Variants in MAGI2 observed in about 807,000 individuals in gnomAD.
MAGI2 encodes the protein membrane-associated guanylate kinase, WW and PDZ domain-containing protein 2.
Under a neutral mutation model 133.3 loss-of-function variants are expected in MAGI2, and 35 were observed. The ratio of observed to expected loss-of-function variants is 0.26; its 90% CI spans 0.20 to 0.35. MAGI2 has a LOEUF of 0.35. MAGI2 is among the 10% of genes least tolerant of loss of function. The pLI, the probability that MAGI2 is intolerant of heterozygous loss-of-function variation, is 1.00. For missense variants in MAGI2, 1,636 were observed against 1,863.4 expected (o/e 0.88, Z 2.25); for synonymous variants, 729 against 710.6 (o/e 1.03, Z -0.41).
At chr7:79,283,576 A>G (rs1835798050) in intron 1 of MAGI2, among the ~76,000 whole-genome samples, 1 of 152,078 alleles carries the variant, frequency 6.6e-6, no homozygotes, top group South Asian at 2.1e-4. Context: ...AATTCCTTCT[A>G]CTAGTAATTA....
intron 6 of MAGI2, among the ~76,000 whole-genome samples, chr7:78,453,913 T>C (rs941608728): frequency 7.9e-5 from 12 of 152,198 alleles, no homozygotes; most frequent in African/African-American, 2.7e-4. Flanking sequence ...TTTATTGGTA[T>C]ATAATAGTGG....
At chr7:79,205,801 T>C (rs1374766233) in intron 1 of MAGI2, among the ~76,000 whole-genome samples, 1 of 151,462 alleles carries the variant, frequency 6.6e-6, no homozygotes. Flanking sequence ...GTTGTAATCA[T>C]CTTAAAATAA....
At chr7:78,714,949 A>G (rs1437292840) in intron 2 of MAGI2, among the ~76,000 whole-genome samples, 2 of 152,244 alleles carry the variant, frequency 1.3e-5, no homozygotes, top group South Asian at 2.1e-4. Flanking sequence ...CTCCATGACT[A>G]AAGCGCTAGA....
chr7:78,453,522 T>C (rs998459384), intron 6 of MAGI2, among the ~76,000 whole-genome samples: 1 of 152,166 alleles, frequency 6.6e-6, no homozygotes, highest in South Asian at 2.1e-4. Context: ...TTAGGCCTCT[T>C]CTCTTTTGCT....
intron 2 of MAGI2, among the ~76,000 whole-genome samples, chr7:79,005,627 A>G (rs1330460355): frequency 6.6e-6 from 1 of 152,174 alleles, no homozygotes; most frequent in Non-Finnish European, 1.5e-5. Context: ...CAGCTTTTAA[A>G]CATAATAAAC....
intron 1 of MAGI2, among the ~76,000 whole-genome samples, chr7:79,292,770 CAAAAAAAAAAA>C (rs199933554): frequency 7.1e-4 from 41 of 57,408 alleles, no homozygotes; most frequent in South Asian, 1.5e-3. Context: ...TCAATTTCTG[CAAAAAAAAAAA>C]AAAAAAAAAA....
At chr7:79,227,691 A>G (rs2058393) in intron 1 of MAGI2, among the ~76,000 whole-genome samples, 92,278 of 151,984 alleles carry the variant, frequency 0.61, 29,292 homozygotes, top group Non-Finnish European at 0.7. Flanking sequence ...CTGAACTACA[A>G]CTCTCAACTT....
At chr7:78,074,483 TC>T (rs1815060233) in intron 21 of MAGI2, among the ~76,000 whole-genome samples, 1 of 152,112 alleles carries the variant, frequency 6.6e-6, no homozygotes, top group African/African-American at 2.4e-5. Context: ...TTGAAATCCT[TC>T]CACAGGGAGT....
At chr7:79,406,167 T>C (rs9969364) in intron 1 of MAGI2, among the ~76,000 whole-genome samples, 82,917 of 151,800 alleles carry the variant, frequency 0.55, 25,168 homozygotes, top group African/African-American at 0.81. Context: ...TTTTGGCAAT[T>C]GAAATCCCTA....
Position 78,311,678 on chromosome 7 carries a change from T to C in MAGI2, c.1408+32100A>G, listed in dbSNP as rs114531878. Among the ~76,000 whole-genome samples, 422 of 152,346 alleles carry C rather than the reference T, an allele frequency of 2.8e-3. 2 individuals carry two copies. The highest frequency in any genetic ancestry group is 9.6e-3 in the African/African-American group (401 of 41,582). Reference sequence around the variant, plus strand: ...TAACTCTAGATCAATAGAGATAAAATATCTTTGTAAGTGCTCACATACTGA... The same window carrying C: ...TAACTCTAGATCAATAGAGATAAAACATCTTTGTAAGTGCTCACATACTGA... On this transcript the variant is annotated intron_variant, in intron 9 of 21. Coordinates refer to ENST00000354212, the MANE Select transcript of MAGI2 (RefSeq NM_012301.4).
intron 1 of MAGI2, among the ~76,000 whole-genome samples, chr7:79,396,284 C>A (rs1005826688): frequency 2.6e-5 from 4 of 152,040 alleles, no homozygotes; most frequent in Admixed American, 2.6e-4. Flanking sequence ...TCTCTTTTTC[C>A]TTTCACCTGG....
intron 3 of MAGI2, among the ~76,000 whole-genome samples, chr7:78,591,805 T>G (rs1027593672): frequency 6.6e-6 from 1 of 152,126 alleles, no homozygotes; most frequent in African/African-American, 2.4e-5. Flanking sequence ...AACCTTCTTT[T>G]CACAAAAACC....
chr7:78,778,805 C>T (rs992479286), intron 2 of MAGI2, among the ~76,000 whole-genome samples: 4 of 151,954 alleles, frequency 2.6e-5, no homozygotes, highest in African/African-American at 9.7e-5. Context: ...AATATCTAAT[C>T]TCTCAGGTAT....
chr7:78,484,276 T>A (rs966147856), intron 6 of MAGI2: 1 of 152,014 alleles, frequency 6.6e-6, no homozygotes, highest in Non-Finnish European at 1.5e-5. Context: ...ATATGTATTG[T>A]AAAGCATGGC....
intron 1 of MAGI2, among the ~76,000 whole-genome samples, chr7:79,102,661 T>A (rs920510463): frequency 6.6e-6 from 1 of 152,190 alleles, no homozygotes; most frequent in Non-Finnish European, 1.5e-5. Context: ...TCTAGTGACA[T>A]TTTAAAAACC....
chr7:79,320,745 G>A (rs1839122412), intron 1 of MAGI2, among the ~76,000 whole-genome samples: 1 of 151,922 alleles, frequency 6.6e-6, no homozygotes, highest in African/African-American at 2.4e-5. Context: ...AAATGTTGCA[G>A]GCCAAATATC....
chr7:78,154,211 C>T (rs534618567), intron 16 of MAGI2, among the ~76,000 whole-genome samples: 71 of 152,340 alleles, frequency 4.7e-4, no homozygotes, highest in African/African-American at 1.2e-3. Flanking sequence ...TCAAGGACTT[C>T]GAGAAACTCA....
chr7:79,109,871 C>T (rs552260998), intron 1 of MAGI2, among the ~76,000 whole-genome samples: 2 of 151,234 alleles, frequency 1.3e-5, no homozygotes, highest in Admixed American at 6.6e-5. Flanking sequence ...CACTCTTGCA[C>T]TCTGTGTGCC....
At chr7:78,267,239 T>A (rs1794109563) in intron 9 of MAGI2, among the ~76,000 whole-genome samples, 2 of 152,298 alleles carry the variant, frequency 1.3e-5, no homozygotes, top group Admixed American at 6.5e-5. Context: ...GCTGCCAGAA[T>A]ATTTCTCCCA....
Sources: gnomAD v4.1 joint callset for allele counts (sites outside exome capture counted in the v4.1 genomes callset) on GRCh38, gnomAD v4.1.1 for gene constraint, MANE v1.5 for transcripts, NCBI Gene and HGNC (gene_info 2026-07-23, HGNC 2026-07-21) for gene names.